ART3: variants seen among roughly 807,000 people sequenced by gnomAD.
ART3 encodes ADP-ribosyltransferase 3 (inactive), also known as ecto-ADP-ribosyltransferase 3.
In ART3, 49 loss-of-function variants were observed where a neutral mutation model predicts 48.5. The ratio of observed to expected loss-of-function variants is 1.01; its 90% confidence interval spans 0.80 to 1.28. ART3 has a LOEUF of 1.28. ART3 is among the 50% of genes most tolerant of loss of function. ART3 has a pLI of 0.00. For missense variants in ART3, 438 were observed against 454.3 expected (o/e 0.96, Z 0.33); for synonymous variants, 145 against 157.2 (o/e 0.92, Z 0.58).
chr4:76,076,089 C>T, intron 2 of ART3, 131 bp downstream of exon 2: 2 of 742,090 alleles, frequency 2.7e-6, no homozygotes, highest in East Asian at 2.7e-5. Flanking sequence ...ACTGCAAGCT[C>T]CGCCTCCCAG....
chr4:76,085,723 G>C (rs1031991784), intron 3 of ART3, among the ~76,000 whole-genome samples: 1 of 152,156 alleles, frequency 6.6e-6, no homozygotes, highest in Non-Finnish European at 1.5e-5. Context: ...AGGTAGATTG[G>C]TGCAGCCATT....
chr4:76,109,791 T>C (rs982452903), intron 11 of ART3, among the ~76,000 whole-genome samples: 2 of 152,222 alleles, frequency 1.3e-5, no homozygotes, highest in African/African-American at 4.8e-5. Flanking sequence ...ACGACTGTAC[T>C]AATGCATGTG....
At chr4:76,079,334 A>G (rs1466921264) in intron 2 of ART3, among the ~76,000 whole-genome samples, 1 of 152,204 alleles carries the variant, frequency 6.6e-6, no homozygotes, top group Non-Finnish European at 1.5e-5. Context: ...AATATGTAGG[A>G]AAAGTTCACA....
chr4:76,011,498 G>A (rs987060638), intron 1 of ART3, among the ~76,000 whole-genome samples: 1 of 152,208 alleles, frequency 6.6e-6, no homozygotes, highest in African/African-American at 2.4e-5. Context: ...AGCAGGGAAC[G>A]ACGGCCCCAG....
At chr4:76,094,756 G>A (rs557838067) in intron 3 of ART3, among the ~76,000 whole-genome samples, 2 of 152,242 alleles carry the variant, frequency 1.3e-5, no homozygotes, top group Admixed American at 6.5e-5. Context: ...AATCTGATCA[G>A]CACTCCACTG....
chr4:76,079,654 G>C (rs1403887706), intron 2 of ART3, among the ~76,000 whole-genome samples: 3 of 152,122 alleles, frequency 2.0e-5, no homozygotes, highest in African/African-American at 7.2e-5. Flanking sequence ...AGTCTAAGAA[G>C]AAATGCTCCC....
rs1003668386 is a variant in ART3 at position 76,104,337 on chromosome 4, C to G, written c.971-260C>G. On this transcript the variant is annotated intron_variant, in intron 9 of 11. Transcript: ENST00000355810. Reference sequence around the variant, plus strand: ...TTAGTCTTGGCTAACATCTCATTGCCTGTATCTCCAGGTAACAAAACACGA... The same window carrying G: ...TTAGTCTTGGCTAACATCTCATTGCGTGTATCTCCAGGTAACAAAACACGA... 4 of 984,742 alleles carry G rather than the reference C, an allele frequency of 4.1e-6. No homozygotes were observed. In the African/African-American group the frequency reaches 7.0e-5, roughly 17 times the overall value. 61.0% of individuals were successfully genotyped at this position (984,742 alleles called of 1,614,324 possible).
intron 3 of ART3, among the ~76,000 whole-genome samples, chr4:76,095,149 CAGA>C (rs1208465183): frequency 6.6e-6 from 1 of 152,088 alleles, no homozygotes; most frequent in Non-Finnish European, 1.5e-5. Context: ...AAATGCTAAA[CAGA>C]AGATTAAATC....
Position 76,111,141 on chromosome 4 carries a change from TAA to T in ART3, c.1037-1242_1037-1241del, listed in dbSNP as rs1341724375. 1.7e-4 allele frequency among the ~76,000 whole-genome samples: 26 copies of T among 152,344 alleles called. No individual in the cohort carries two copies. In the East Asian group the frequency reaches 4.6e-3, roughly 27 times the overall value. On this transcript the variant is annotated intron_variant, in intron 11 of 11. Transcript: ENST00000355810. ...AGTTCAAATGTTTCGAGTATCCTCT[TAA>T]AACACCATGTGTTGCTAAACATCTC...
chr4:76,015,621 G>T (rs1333059556), intron 1 of ART3, among the ~76,000 whole-genome samples: 5 of 152,186 alleles, frequency 3.3e-5, no homozygotes, highest in Non-Finnish European at 5.9e-5. Flanking sequence ...GAGCTTATAT[G>T]TATAAAGGTT....
At chr4:76,047,664 G>A (rs537617261) in intron 1 of ART3, among the ~76,000 whole-genome samples, 4 of 152,066 alleles carry the variant, frequency 2.6e-5, no homozygotes, top group Non-Finnish European at 4.4e-5. Flanking sequence ...TCCCAGTGGG[G>A]ATCCATACTG....
At chr4:76,083,315 T>G (rs546029694) in intron 3 of ART3, among the ~76,000 whole-genome samples, 7 of 152,376 alleles carry the variant, frequency 4.6e-5, no homozygotes, top group Non-Finnish European at 7.3e-5. Context: ...CTGTCATGTT[T>G]CCAAGTAAAT....
At chr4:76,035,327 T>C (rs1734278698) in intron 1 of ART3, 3 of 1,614,012 alleles carry the variant, frequency 1.9e-6, no homozygotes, top group Non-Finnish European at 2.5e-6. Flanking sequence ...GCGTCCTCTT[T>C]TGAACATGGG....
chr4:76,064,695 G>A (rs1388514437), intron 1 of ART3, among the ~76,000 whole-genome samples: 1 of 152,080 alleles, frequency 6.6e-6, no homozygotes, highest in Non-Finnish European at 1.5e-5. Context: ...GTGAAGGGAA[G>A]GGTAACAGTG....
chr4:76,049,522 T>A (rs1735830605), intron 1 of ART3, among the ~76,000 whole-genome samples: 1 of 151,792 alleles, frequency 6.6e-6, no homozygotes, highest in Admixed American at 6.6e-5. Flanking sequence ...CGGTCCCAAC[T>A]CCAAAGAGTC....
chr4:76,035,478 C>CT (rs1286995691), intron 1 of ART3: 3 of 750,526 alleles, frequency 4.0e-6, no homozygotes, highest in Non-Finnish European at 6.2e-6. Flanking sequence ...CTTAACACAA[C>CT]TGTTACTGGG....
intron 5 of ART3, chr4:76,099,483 G>A (rs538829121): frequency 7.3e-5 from 13 of 177,492 alleles, no homozygotes; most frequent in Middle Eastern, 2.6e-3. Flanking sequence ...AATTGGCTTC[G>A]TGGAGATCTG....
intron 1 of ART3, among the ~76,000 whole-genome samples, chr4:76,016,051 A>G (rs2149356780): frequency 6.6e-6 from 1 of 152,316 alleles, no homozygotes; most frequent in Middle Eastern, 3.4e-3. Context: ...TATCAGGGTA[A>G]TACTGGCCTT....
chr4:76,097,244 A>T (rs1262884437), intron 3 of ART3, among the ~76,000 whole-genome samples: 1 of 152,080 alleles, frequency 6.6e-6, no homozygotes, highest in Non-Finnish European at 1.5e-5. Flanking sequence ...TCACTCTGTC[A>T]CCCAGGCTGG....
Sources: gnomAD v4.1 joint callset for allele counts (sites outside exome capture counted in the v4.1 genomes callset) on GRCh38, gnomAD v4.1.1 for gene constraint, MANE v1.5 for transcripts, NCBI Gene and HGNC (gene_info 2026-07-23, HGNC 2026-07-21) for gene names.